Variants in RPAP2 observed in about 807,000 individuals in gnomAD.
RPAP2 encodes the protein RNA polymerase II associated protein 2.
Under a neutral mutation model 73.1 loss-of-function variants are expected in RPAP2, and 52 were observed. The observed-to-expected ratio is 0.71, with a 90% confidence interval of 0.57 to 0.90. The LOEUF (loss-of-function observed/expected upper bound fraction) is 0.90. Ranked by LOEUF, RPAP2 falls within the 40% of genes least tolerant of loss-of-function variation. The pLI is 0.00. For synonymous variants in RPAP2, 225 were observed against 242.1 expected (o/e 0.93, Z 0.65); for missense variants, 598 against 701.8 (o/e 0.85, Z 1.67).
At chr1:92,364,977 T>C (rs1192576274) in intron 11 of RPAP2, among the ~76,000 whole-genome samples, 1 of 152,218 alleles carries the variant, frequency 6.6e-6, no homozygotes, top group Non-Finnish European at 1.5e-5. Flanking sequence ...ATTCACCTTA[T>C]TTCCCTTTTA....
intron 6 of RPAP2, among the ~76,000 whole-genome samples, chr1:92,310,327 G>T (rs1476124611): frequency 1.3e-5 from 2 of 152,124 alleles, no homozygotes; most frequent in African/African-American, 4.8e-5. Flanking sequence ...CTGTGCCAAG[G>T]ATCAGAATTC....
Position 92,391,055 on chromosome 1 carries a change from C to T in RPAP2, c.*4044C>T, listed in dbSNP as rs1656024841. On this transcript the variant is annotated 3_prime_UTR_variant, in exon 13 of 13. Transcript: ENST00000610020. ...GCAGACCTAATAGACATCGACAGAACTCTCCACCCCAAATCAACAGAATAT... is the reference window on the plus strand; with the variant it reads ...GCAGACCTAATAGACATCGACAGAATTCTCCACCCCAAATCAACAGAATAT... 1 of 152,198 alleles carries T rather than the reference C, an allele frequency of 6.6e-6. No individual in the cohort carries two copies. Among genetic ancestry groups the T allele is most frequent in the Admixed American group, 6.6e-5 (1 of 15,266 alleles). 9.4% of individuals were successfully genotyped at this position (152,198 alleles called of 1,614,324 possible).
At chr1:92,306,235 GT>G (rs758233932) in intron 5 of RPAP2, among the ~76,000 whole-genome samples, 29 of 152,156 alleles carry the variant, frequency 1.9e-4, no homozygotes, top group Non-Finnish European at 3.4e-4. Flanking sequence ...GGAAGTTAGT[GT>G]ATAGGGTTTC....
intron 6 of RPAP2, among the ~76,000 whole-genome samples, chr1:92,313,443 CT>C (rs35793049): frequency 4.1e-4 from 60 of 145,032 alleles, no homozygotes; most frequent in Middle Eastern, 3.6e-3. Context: ...GGAAAGGAAT[CT>C]TTTTTTTTTT....
intron 6 of RPAP2, among the ~76,000 whole-genome samples, chr1:92,315,160 C>G (rs935393256): frequency 1.3e-5 from 2 of 151,968 alleles, no homozygotes; most frequent in Non-Finnish European, 2.9e-5. Context: ...GTCAGTGAGT[C>G]TTCCATTGTA....
Position 92,389,350 on chromosome 1 carries a change from T to G in RPAP2, c.*2339T>G, listed in dbSNP as rs900573581. On this transcript the variant is annotated 3_prime_UTR_variant, in exon 13 of 13. Transcript: ENST00000610020. ...CTAACAGAAAGGAATAGCATCAACA[T>G]CAAAAAAAGGACATCTACACCAAAA... is the stretch of plus-strand genomic sequence containing the variant. 5 of 149,174 alleles carry G rather than the reference T, an allele frequency of 3.4e-5. No homozygotes were observed. Among genetic ancestry groups the G allele is most frequent in the Non-Finnish European group, 7.5e-5 (5 of 67,062 alleles). 9.2% of individuals were successfully genotyped at this position (149,174 alleles called of 1,614,324 possible).
Position 92,392,359 on chromosome 1 carries a change from A to C in RPAP2, c.*5348A>C, listed in dbSNP as rs889377639. ...CCTTTCATGCTAAAAACCCTCAATA[A>C]ACTAGGTATTGATGGAATGTATCTC... On this transcript the variant is annotated 3_prime_UTR_variant, in exon 13 of 13. Transcript: ENST00000610020. 6.6e-6 allele frequency: 1 copy of C among 152,184 alleles called. No individual in the cohort carries two copies. The allele number at this position is 152,184 out of a possible 1,614,324, so 9.4% of individuals were successfully genotyped here.
chr1:92,384,443 G>A, intron 12 of RPAP2, among the ~76,000 whole-genome samples: 1 of 150,324 alleles, frequency 6.7e-6, no homozygotes, highest in African/African-American at 2.4e-5. Context: ...GGCCAACATG[G>A]TGAAACCCTG....
chr1:92,364,461 C>A (rs1654854024), intron 11 of RPAP2, among the ~76,000 whole-genome samples: 2 of 152,164 alleles, frequency 1.3e-5, no homozygotes, highest in African/African-American at 2.4e-5. Context: ...AAAATGGTAT[C>A]TTCAGCTCTG....
chr1:92,311,349 T>G (rs753218878), intron 6 of RPAP2, among the ~76,000 whole-genome samples: 6 of 152,222 alleles, frequency 3.9e-5, no homozygotes, highest in Non-Finnish European at 7.3e-5. Flanking sequence ...TAAGGAAATA[T>G]TTATTAAAAT....
At chr1:92,378,951 C>T (rs1480445602) in intron 11 of RPAP2, among the ~76,000 whole-genome samples, 3 of 152,212 alleles carry the variant, frequency 2.0e-5, no homozygotes, top group Non-Finnish European at 4.4e-5. Flanking sequence ...GCAATTTTCC[C>T]AGTTAGAATT....
chr1:92,399,364 A>G lies in RPAP2; in HGVS notation c.*12353A>G, dbSNP rs1378313798. ...AGCTCTAGTTTGCATAATTAAAGAAAGTGGAAGCTGGTTCTTTTCTGGGTG... is the reference window on the plus strand; with the variant it reads ...AGCTCTAGTTTGCATAATTAAAGAAGGTGGAAGCTGGTTCTTTTCTGGGTG... On this transcript the variant is annotated 3_prime_UTR_variant, in exon 13 of 13. Transcript: ENST00000610020. 6.6e-6 allele frequency: 1 copy of G among 152,218 alleles called. No homozygotes were observed. The highest frequency in any genetic ancestry group is 6.5e-5 in the Admixed American group (1 of 15,276). The allele number at this position is 152,218 out of a possible 1,614,324, so 9.4% of individuals were successfully genotyped here.
chr1:92,351,221 C>T (rs1011545567), intron 11 of RPAP2, among the ~76,000 whole-genome samples: 31 of 147,198 alleles, frequency 2.1e-4, no homozygotes, highest in African/African-American at 6.8e-4. Flanking sequence ...GCAGGAAAAC[C>T]GCTTGAACCA....
At chr1:92,320,934 A>T (rs1185580050) in intron 7 of RPAP2, among the ~76,000 whole-genome samples, 1 of 152,264 alleles carries the variant, frequency 6.6e-6, no homozygotes, top group Non-Finnish European at 1.5e-5. Context: ...TTTGTCAACT[A>T]GATTGTGCCT....
chr1:92,322,978 ATATT>A (rs1652381556), intron 7 of RPAP2, among the ~76,000 whole-genome samples: 1 of 147,364 alleles, frequency 6.8e-6, no homozygotes. Flanking sequence ...GTACAAGTAT[ATATT>A]ATATATGTAA....
chr1:92,376,423 TACTG>T (rs1283248254), intron 11 of RPAP2, among the ~76,000 whole-genome samples: 4 of 152,210 alleles, frequency 2.6e-5, no homozygotes, highest in African/African-American at 9.6e-5. Flanking sequence ...CTTATTTCCT[TACTG>T]ACTAAACTTT....
chr1:92,299,197 A>C (rs929941473), intron 1 of RPAP2, 51 bp downstream of exon 1: 1 of 1,185,426 alleles, frequency 8.4e-7, no homozygotes, highest in African/African-American at 1.6e-5. Context: ...CTGGGCCCCG[A>C]TCTCGAGTTA....
rs6603967 is a variant in RPAP2, at chr1:92,389,106, C to T, written c.*2095C>T. On this transcript the variant is annotated 3_prime_UTR_variant, in exon 13 of 13. Transcript: ENST00000610020. ...CCTCCTCAAGTGGGTCCCTGACCCC[C>T]GTGTAGCCTGACTGGGAGACATCTC... 0.86 allele frequency: 131,605 copies of T among 152,452 alleles called. 57,238 individuals carry two copies. The highest frequency in any genetic ancestry group is 1 in the East Asian group (5,153 of 5,166). The allele number at this position is 152,452 out of a possible 1,614,324, so 9.4% of individuals were successfully genotyped here. A position where few individuals can be genotyped will look rare whatever the true frequency, so the allele number is the denominator to read the frequency against.
rs1655963743 is a variant in RPAP2, at chr1:92,389,105, C to CT, written c.*2094_*2095insT. On this transcript the variant is annotated 3_prime_UTR_variant, in exon 13 of 13. Coordinates refer to ENST00000610020, the MANE Select transcript of RPAP2 (RefSeq NM_024813.3). ...GCCTCCTCAAGTGGGTCCCTGACCC[C>CT]CGTGTAGCCTGACTGGGAGACATCT... 1 of 152,624 alleles carries CT rather than the reference C, an allele frequency of 6.6e-6. No homozygotes were observed. Among genetic ancestry groups the CT allele is most frequent in the South Asian group, 2.1e-4 (1 of 4,834 alleles). 9.5% of individuals were successfully genotyped at this position (152,624 alleles called of 1,614,324 possible). A position where few individuals can be genotyped will look rare whatever the true frequency, so the allele number is the denominator to read the frequency against.
Sources: gnomAD v4.1 joint callset for allele counts (sites outside exome capture counted in the v4.1 genomes callset) on GRCh38, gnomAD v4.1.1 for gene constraint, MANE v1.5 for transcripts, NCBI Gene and HGNC (gene_info 2026-07-23, HGNC 2026-07-21) for gene names.